PRKCH: variants seen among roughly 807,000 people sequenced by gnomAD.
PRKCH encodes protein kinase C eta type.
PRKCH carries 28 observed loss-of-function variants against 82.5 expected under a neutral mutation model. The ratio of observed to expected loss-of-function variants is 0.34; its 90% confidence interval spans 0.25 to 0.47. The LOEUF (loss-of-function observed/expected upper bound fraction) is 0.47, where lower values mean the gene tolerates loss of function less well. Ranked by LOEUF, PRKCH falls within the 20% of genes least tolerant of loss-of-function variation. PRKCH has a pLI of 1.00. For missense variants in PRKCH, 705 were observed against 881.8 expected, an observed-to-expected ratio of 0.80 and a Z score of 2.54; for synonymous variants, 322 against 327.4, an observed-to-expected ratio of 0.98 and a Z score of 0.18.
Position 61,280,324 on chromosome 14 carries a change from G to A in PRKCH, c.-19+92656G>A. The A allele has an allele frequency of 1.1e-5, 18 of 1,613,872 alleles. No individual in the cohort carries two copies. The highest frequency in any genetic ancestry group is 1.5e-5 in the Non-Finnish European group (18 of 1,179,958). ...GTAGGCGCCCCGCGGCAGCCCGGCC[G>A]AGTAGTTGCCCTGGCGGATGCGCGC... On this transcript the variant is annotated intron_variant, in intron 1 of 3. Coordinates refer to the PRKCH transcript ENST00000555185. This position sits in a 1 kb window ranked among gnomAD's most constrained non-coding sequence, Gnocchi z 5.0.
At chr14:61,313,773 C>T (rs756188850) in intron 1 of PRKCH, among the ~76,000 whole-genome samples, 2 of 151,810 alleles carry the variant, frequency 1.3e-5, no homozygotes, top group Non-Finnish European at 2.9e-5. Flanking sequence ...CTTATATAAA[C>T]GTCAGATCCC....
chr14:61,311,497 A>T (rs1316003970), intron 1 of PRKCH, among the ~76,000 whole-genome samples: 2 of 152,174 alleles, frequency 1.3e-5, no homozygotes, highest in Non-Finnish European at 2.9e-5. Flanking sequence ...AGGAAACTCC[A>T]AACTATCCCA....
intron 9 of PRKCH, among the ~76,000 whole-genome samples, chr14:61,469,262 C>T (rs927555547): frequency 1.3e-5 from 2 of 152,096 alleles, no homozygotes; most frequent in African/African-American, 4.8e-5. Context: ...AAAACTCATT[C>T]TAATTAGGAA....
At chr14:61,494,888 T>C (rs191904121) in intron 10 of PRKCH, among the ~76,000 whole-genome samples, 20 of 152,346 alleles carry the variant, frequency 1.3e-4, no homozygotes, top group African/African-American at 4.3e-4. Flanking sequence ...CACAATATTT[T>C]GGAATTGCAA....
chr14:61,265,955 C>G (rs1485968656), intron 1 of PRKCH, among the ~76,000 whole-genome samples: 3 of 152,050 alleles, frequency 2.0e-5, no homozygotes, highest in Non-Finnish European at 4.4e-5. Flanking sequence ...ATTAGCCAAG[C>G]GTGGTGGCAT....
chr14:61,228,942 T>C lies in PRKCH; in HGVS notation c.-19+41274T>C, dbSNP rs117490468. Reference sequence around the variant, plus strand: ...ATTATAAATGACTTTAATTAGAGTATTGGGGCAGTGGCTGGTGGGAATGTA... The same window carrying C: ...ATTATAAATGACTTTAATTAGAGTACTGGGGCAGTGGCTGGTGGGAATGTA... On this transcript the variant is annotated intron_variant, in intron 1 of 3. Coordinates refer to the PRKCH transcript ENST00000555185. Among the ~76,000 whole-genome samples the C allele has an allele frequency of 3.3e-3, 507 of 151,968 alleles. 2 individuals carry two copies. Among genetic ancestry groups the C allele is most frequent in the South Asian group, 1.0e-2 (48 of 4,820 alleles).
At chr14:61,477,307 C>T (rs1378727431) in intron 9 of PRKCH, 3 of 152,208 alleles carry the variant, frequency 2.0e-5, no homozygotes, top group South Asian at 2.1e-4. Flanking sequence ...CTACATTTTT[C>T]ATAACTTTTA....
intron 10 of PRKCH, among the ~76,000 whole-genome samples, chr14:61,509,529 A>G (rs1887287159): frequency 6.6e-6 from 1 of 152,112 alleles, no homozygotes. Flanking sequence ...GATGTAAGAT[A>G]TGGTACCATA....
intron 1 of PRKCH, among the ~76,000 whole-genome samples, chr14:61,276,469 C>A (rs1004459413): frequency 1.3e-5 from 2 of 151,904 alleles, no homozygotes; most frequent in Admixed American, 6.6e-5. Context: ...AATTCTCCTG[C>A]CTCACCCTCC....
chr14:61,524,204 T>C (rs1414918468), intron 10 of PRKCH, among the ~76,000 whole-genome samples: 1 of 152,238 alleles, frequency 6.6e-6, no homozygotes, highest in Admixed American at 6.5e-5. Context: ...GGATAGCTTA[T>C]GGTGGAAACA....
At chr14:61,339,553 G>T (rs1332292093) in intron 1 of PRKCH, among the ~76,000 whole-genome samples, 1 of 146,218 alleles carries the variant, frequency 6.8e-6, no homozygotes, top group East Asian at 2.1e-4. Flanking sequence ...TCGATCTCCT[G>T]ACCTCATGAT....
At chr14:61,225,103 A>C (rs777261538) in intron 1 of PRKCH, among the ~76,000 whole-genome samples, 2 of 152,196 alleles carry the variant, frequency 1.3e-5, no homozygotes, top group Non-Finnish European at 2.9e-5. Flanking sequence ...TCTAGTCTAC[A>C]CTAGGACAAT....
intron 12 of PRKCH, among the ~76,000 whole-genome samples, chr14:61,539,192 G>A (rs1256773733): frequency 1.3e-5 from 2 of 152,054 alleles, no homozygotes; most frequent in Non-Finnish European, 2.9e-5. Flanking sequence ...CTTTACCTAC[G>A]GTTAATCAAC....
intron 1 of PRKCH, among the ~76,000 whole-genome samples, chr14:61,239,234 A>G (rs1373499884): frequency 1.3e-5 from 2 of 152,142 alleles, no homozygotes; most frequent in African/African-American, 4.8e-5. Context: ...AAATTAGTTA[A>G]CTGTCACAAT....
At chr14:61,483,644 G>C (rs929002104) in intron 9 of PRKCH, among the ~76,000 whole-genome samples, 2 of 152,164 alleles carry the variant, frequency 1.3e-5, no homozygotes, top group Admixed American at 1.3e-4. Flanking sequence ...GTTACACCAG[G>C]CTTGCAATGG....
intron 1 of PRKCH, among the ~76,000 whole-genome samples, chr14:61,202,419 G>A (rs1319749795): frequency 6.6e-6 from 1 of 152,186 alleles, no homozygotes; most frequent in East Asian, 1.9e-4. Flanking sequence ...AGGAAAAGTA[G>A]CTTACAGAAA....
chr14:61,541,925 C>T (rs1289859077), intron 12 of PRKCH, among the ~76,000 whole-genome samples: 2 of 152,230 alleles, frequency 1.3e-5, no homozygotes, highest in Non-Finnish European at 2.9e-5. Flanking sequence ...GAAGCTGCTC[C>T]ACTGCACCCA....
chr14:61,345,848 G>C (rs1395276740), intron 1 of PRKCH, among the ~76,000 whole-genome samples: 1 of 145,956 alleles, frequency 6.9e-6, no homozygotes, highest in Non-Finnish European at 1.5e-5. Context: ...AGACCAGCCT[G>C]GACAACATAG....
At chr14:61,350,032 T>C (rs112002375) in intron 1 of PRKCH, among the ~76,000 whole-genome samples, 1 of 152,150 alleles carries the variant, frequency 6.6e-6, no homozygotes, top group Non-Finnish European at 1.5e-5. Flanking sequence ...CAGAGAAATA[T>C]GACAAGAGTA....
Sources: allele counts gnomAD v4.1 joint callset (sites outside exome capture counted in the v4.1 genomes callset), GRCh38; gene constraint gnomAD v4.1.1; non-coding constraint Gnocchi (gnomAD v3.1); transcripts MANE v1.5; gene names NCBI Gene and HGNC (gene_info 2026-07-23, HGNC 2026-07-21).